The following TASOR2 variants were observed in gnomAD, a reference collection of about 807,000 sequenced individuals.
TASOR2 encodes transcription activation suppressor family member 2, also known as protein TASOR 2.
In TASOR2, 84 loss-of-function variants were observed where a neutral mutation model predicts 199.5. The ratio of observed to expected loss-of-function variants is 0.42; its 90% CI spans 0.35 to 0.50. TASOR2 has a LOEUF of 0.50. Ranked by LOEUF, TASOR2 falls within the 20% of genes least tolerant of loss-of-function variation. The pLI, the probability that TASOR2 is intolerant of heterozygous loss-of-function variation, is 0.02. For missense variants in TASOR2, 2,796 were observed against 2,835.9 expected (o/e 0.99, Z 0.32); for synonymous variants, 1,103 against 1,046.6 (o/e 1.05, Z -1.04).
intron 1 of TASOR2, among the ~76,000 whole-genome samples, chr10:5,704,912 C>T (rs983243534): frequency 5.3e-5 from 8 of 152,094 alleles, no homozygotes; most frequent in African/African-American, 1.9e-4. Context: ...GGTCAGAGAT[C>T]AGTTGTTTTT....
At chr10:5,758,603 C>G (rs1055822866) in intron 17 of TASOR2, among the ~76,000 whole-genome samples, 4 of 152,212 alleles carry the variant, frequency 2.6e-5, no homozygotes, top group African/African-American at 7.2e-5. Context: ...TGCTTCTCTT[C>G]TGTCACACAA....
Position 5,746,495 on chromosome 10 carries a change from G to A in TASOR2, c.3074G>A (p.Ser1025Asn), listed in dbSNP as rs770424045. The change falls in exon 15 of 21, where the codon AGC becomes AAC. Residue 1025 changes from serine to asparagine, a missense_variant. Transcript: ENST00000328090. ...TTACAGGACCTTATCCAACATGGCA[G>A]CCCCATAAACAATGAATGTCACCCT... is the stretch of plus-strand genomic sequence containing the variant. 6.2e-6 allele frequency: 10 copies of A among 1,613,912 alleles called. No homozygotes were observed. In the South Asian group the frequency reaches 1.1e-4, roughly 18 times the overall value.
intron 18 of TASOR2, chr10:5,761,069 CATG>C: frequency 2.0e-6 from 1 of 489,302 alleles, no homozygotes; most frequent in Non-Finnish European, 3.6e-6. Flanking sequence ...TAGGTAGATG[CATG>C]ATGTCCCTCT....
Position 5,720,837 on chromosome 10 carries a change from ATAAT to A in TASOR2, c.47-33_47-30del. On this transcript the variant is annotated intron_variant, in intron 5 of 20. Transcript: ENST00000328090. The surrounding 1 kb of genome is among the most constrained non-coding windows in gnomAD (Gnocchi z 5.3). ...TTCTTGAGTAAATGTTTCATCATAA[ATAAT>A]CAGTTTCTTTTTTACCTTCATTTCT... 1 of 1,594,464 alleles carries A rather than the reference ATAAT, an allele frequency of 6.3e-7. No individual in the cohort carries two copies. Among genetic ancestry groups the A allele is most frequent in the African/African-American group, 1.4e-5 (1 of 73,442 alleles).
At chr10:5,749,849 C>T (rs910910049) in exon 15 of TASOR2, 3 of 1,614,078 alleles carry the variant, frequency 1.9e-6, no homozygotes, top group East Asian at 2.2e-5. Context: ...GGAGAAGCCA[C>T]TGCTCAAGAG....
rs773898380 is a variant in TASOR2, at chr10:5,735,490, G to A, written c.1391G>A (p.Arg464Lys). The change falls in exon 12 of 21, where the codon AGA becomes AAA. Residue 464 changes from arginine (R) to lysine (K), a missense_variant. Arg to Lys is a conservative substitution (Grantham distance 26). Around this residue, in one of 3 missense-constraint regions of TASOR2, gnomAD observed 847 missense variants for 887.4 expected, o/e 0.95. Transcript: ENST00000328090. ...GTGAAGAAATCTCCACAAAAACAGA[G>A]AGTAAATATAGTAAAAGGCAATGAG... The A allele has an allele frequency of 4.3e-6, 7 of 1,614,100 alleles. No individual in the cohort carries two copies. In the Admixed American group the frequency reaches 8.3e-5, roughly 19 times the overall value.
rs1407283215 is a variant in TASOR2, at chr10:5,748,635, A to G, written c.5214A>G (p.Thr1738=). ...TCCACACGCTGCAAGATGTGTCAAC[A>G]TGTGAAACAAAGGAGCTATTGAATG... The change falls in exon 15 of 21, where the codon ACA becomes ACG. Residue 1738 remains threonine (T), a synonymous_variant. Transcript: ENST00000328090. The surrounding 1 kb of genome is among the most constrained non-coding windows in gnomAD (Gnocchi z 5.1). 2.5e-6 allele frequency: 4 copies of G among 1,614,110 alleles called. No individual in the cohort carries two copies. The highest frequency in any genetic ancestry group is 2.2e-5 in the East Asian group (1 of 44,896).
exon 19 of TASOR2, chr10:5,761,387 T>C (rs1435487808): frequency 6.2e-7 from 1 of 1,613,452 alleles, no homozygotes; most frequent in Non-Finnish European, 8.5e-7. Context: ...TGACTCTCGA[T>C]CATCAACAAA....
intron 1 of TASOR2, chr10:5,692,727 C>T (rs1411279100): frequency 6.6e-6 from 1 of 151,876 alleles, no homozygotes; most frequent in Non-Finnish European, 1.5e-5. Flanking sequence ...GGCCATGCCC[C>T]TGGGCTCCGC....
At chr10:5,714,988 A>G (rs1316503060) in intron 2 of TASOR2, among the ~76,000 whole-genome samples, 2 of 152,176 alleles carry the variant, frequency 1.3e-5, no homozygotes, top group Non-Finnish European at 2.9e-5. Context: ...GAAGATGGCA[A>G]AAACAGAACT....
chr10:5,687,807 G>C lies in TASOR2; in HGVS notation c.-288+2632G>C, dbSNP rs1835960560. 6.6e-6 allele frequency among the ~76,000 whole-genome samples: 1 copy of C among 152,220 alleles called. No homozygotes were observed. Among genetic ancestry groups the C allele is most frequent in the Non-Finnish European group, 1.5e-5 (1 of 68,042 alleles). On this transcript the variant is annotated intron_variant, in intron 1 of 20. Transcript: ENST00000328090. The surrounding 1 kb of genome is among the most constrained non-coding windows in gnomAD (Gnocchi z 4.8). ...TACGGCAGCCTGGGTGACAGAGTGAGACTCCGTCTCAAAAGACTGCTGAAG... is the reference window on the plus strand; with the variant it reads ...TACGGCAGCCTGGGTGACAGAGTGACACTCCGTCTCAAAAGACTGCTGAAG...
At chr10:5,693,944 C>A (rs547368226) in intron 1 of TASOR2, among the ~76,000 whole-genome samples, 4 of 152,200 alleles carry the variant, frequency 2.6e-5, no homozygotes, top group African/African-American at 9.6e-5. Flanking sequence ...CTCTCCCAAC[C>A]CACCAAAAAG....
chr10:5,716,353 G>A (rs1832630051), intron 2 of TASOR2, among the ~76,000 whole-genome samples: 1 of 151,976 alleles, frequency 6.6e-6, no homozygotes, highest in Admixed American at 6.5e-5. Context: ...GTTTTTGGGT[G>A]GACATAATTA....
rs1221360462 is a variant in TASOR2 at position 5,690,795 on chromosome 10, A to G, written c.-288+5620A>G. 1.3e-5 allele frequency among the ~76,000 whole-genome samples: 2 copies of G among 152,216 alleles called. No homozygotes were observed. The highest frequency in any genetic ancestry group is 2.4e-5 in the African/African-American group (1 of 41,450). ...AAAGATGGTTTAATGCCAAAGCACA[A>G]ACTCATAAACCCAGTTGATGAGGAG... On this transcript the variant is annotated intron_variant, in intron 1 of 20. Coordinates refer to ENST00000328090, the Ensembl canonical transcript of TASOR2. The surrounding 1 kb of genome is among the most constrained non-coding windows in gnomAD (Gnocchi z 4.8).
Position 5,714,058 on chromosome 10 carries a change from TA to T in TASOR2, c.-192+1151del, listed in dbSNP as rs3834899. The T allele has an allele frequency of 1.9e-3, 1,173 of 607,210 alleles. 1 individual carries two copies. Among genetic ancestry groups the T allele is most frequent in the African/African-American group, 4.4e-3 (228 of 51,520 alleles). 37.6% of individuals were successfully genotyped at this position (607,210 alleles called of 1,614,324 possible). A position where few individuals can be genotyped will look rare whatever the true frequency, so the allele number is the denominator to read the frequency against. ...TCTATTGTATAATAAAAAATAAAAT[TA>T]AAAAAAAAAACCTTACAGATTATAG... is the stretch of plus-strand genomic sequence containing the variant. On this transcript the variant is annotated intron_variant, in intron 2 of 20. Coordinates refer to ENST00000328090, the Ensembl canonical transcript of TASOR2.
In TASOR2 at chr10:5,738,961, C is replaced by T. The variant is rs560763076; in HGVS notation, c.1448-657C>T. On this transcript the variant is annotated intron_variant, in intron 12 of 20. Transcript: ENST00000328090. This position sits in a 1 kb window ranked among gnomAD's most constrained non-coding sequence, Gnocchi z 4.7. ...CTCTTTCTTGGATAATGTAAAAGGT[C>T]AATGTTTTTGGTAATGAAAGTAAAA... 5.3e-5 allele frequency among the ~76,000 whole-genome samples: 8 copies of T among 152,218 alleles called. No individual in the cohort carries two copies. In the South Asian group the frequency reaches 6.2e-4, roughly 12 times the overall value.
intron 14 of TASOR2, chr10:5,743,920 T>A (rs761172590): frequency 6.6e-6 from 1 of 152,052 alleles, no homozygotes; most frequent in Non-Finnish European, 1.5e-5. Flanking sequence ...GCTATCGCAC[T>A]CCCTCCACCA....
chr10:5,746,224 C>A, exon 15 of TASOR2: 1 of 1,608,506 alleles, frequency 6.2e-7, no homozygotes, highest in South Asian at 1.1e-5. Context: ...GACTTCTAAT[C>A]TTGTGCTTTC....
At chr10:5,709,964 T>C (rs1386472876) in intron 1 of TASOR2, among the ~76,000 whole-genome samples, 1 of 152,202 alleles carries the variant, frequency 6.6e-6, no homozygotes, top group African/African-American at 2.4e-5. Flanking sequence ...CAAGCACTTT[T>C]CAAGTTTTAC....
Sources: gnomAD v4.1 joint callset for allele counts (sites outside exome capture counted in the v4.1 genomes callset) on GRCh38, gnomAD v4.1.1 for gene constraint, gnomAD v4.1.1 regional missense constraint, Gnocchi (gnomAD v3.1) non-coding constraint, MANE v1.5 for transcripts, NCBI Gene and HGNC (gene_info 2026-07-23, HGNC 2026-07-21) for gene names.